FKBP9: variants seen among roughly 807,000 people sequenced by gnomAD.
FKBP9 encodes the protein peptidyl-prolyl cis-trans isomerase FKBP9.
A neutral mutation model predicts 55.6 loss-of-function variants in FKBP9; 27 were observed. That is an observed-to-expected ratio of 0.49 (90% CI 0.36 to 0.67). The LOEUF (loss-of-function observed/expected upper bound fraction) is 0.67, where lower values mean the gene tolerates loss of function less well. FKBP9 is among the 30% of genes least tolerant of loss of function. The probability of loss-of-function intolerance (pLI) is 0.00; values close to 1 mark genes in which losing one functional copy is unlikely to be tolerated. For missense variants in FKBP9, 539 were observed against 742.8 expected (o/e 0.73, Z 3.19); for synonymous variants, 267 against 296.5 (o/e 0.90, Z 1.02).
rs763878973 is a variant in FKBP9, at chr7:32,988,659, A to G, written c.1039+7A>G. The G allele has an allele frequency of 6.2e-6, 10 of 1,613,604 alleles. No homozygotes were observed. In the South Asian group the frequency reaches 6.6e-5, roughly 11 times the overall value. On this transcript the variant is annotated splice_region_variant and intron_variant, in intron 6 of 9. Transcript: ENST00000242209. ...TATGGAGAGGAAGGAAGAGGTGAGC[A>G]TCAGCATCACCTGCCTTCCTCACTA...
chr7:32,993,650 C>A (rs1259609036), intron 6 of FKBP9, among the ~76,000 whole-genome samples: 1 of 152,104 alleles, frequency 6.6e-6, no homozygotes, highest in African/African-American at 2.4e-5. Flanking sequence ...CATGGTGAAA[C>A]CCTGTCTCTA....
At chr7:32,980,796 A>C (rs1489231030) in intron 5 of FKBP9, among the ~76,000 whole-genome samples, 1 of 151,670 alleles carries the variant, frequency 6.6e-6, no homozygotes, top group Non-Finnish European at 1.5e-5. Flanking sequence ...GTGCAGCTGC[A>C]TGATCGTGGC....
intron 5 of FKBP9, among the ~76,000 whole-genome samples, chr7:32,982,643 A>G (rs2127983816): frequency 6.6e-6 from 1 of 152,268 alleles, no homozygotes; most frequent in South Asian, 2.1e-4. Context: ...GTTACATTCC[A>G]GTGTGGTTCT....
intron 6 of FKBP9, among the ~76,000 whole-genome samples, chr7:32,994,109 T>C (rs1340569808): frequency 6.6e-6 from 1 of 152,244 alleles, no homozygotes; most frequent in Admixed American, 6.5e-5. Flanking sequence ...AAAATAATCA[T>C]GTTAAAGTTT....
At chr7:32,992,522 G>A (rs576866429) in intron 6 of FKBP9, among the ~76,000 whole-genome samples, 3 of 152,240 alleles carry the variant, frequency 2.0e-5, no homozygotes, top group Non-Finnish European at 4.4e-5. Context: ...TTGGTTAAGG[G>A]TTTATACAGA....
intron 7 of FKBP9, chr7:32,998,528 G>A (rs1194421773): frequency 2.0e-5 from 3 of 152,180 alleles, no homozygotes; most frequent in African/African-American, 7.2e-5. Context: ...TGTACTCTGA[G>A]AGCCTCTGTA....
At chr7:32,976,634 C>T in intron 4 of FKBP9, 135 bp downstream of exon 4, 1 of 1,238,050 alleles carries the variant, frequency 8.1e-7, no homozygotes, top group African/African-American at 1.5e-5. Flanking sequence ...TAACCACTAG[C>T]TACATGTGGC....
At chr7:32,981,551 T>C (rs558134380) in intron 5 of FKBP9, among the ~76,000 whole-genome samples, 195 of 152,184 alleles carry the variant, frequency 1.3e-3, no homozygotes, top group African/African-American at 4.5e-3. Context: ...TCCCTGTCTC[T>C]GAGGTGATAG....
At chr7:32,959,187 C>T (rs1783967733) in intron 1 of FKBP9, among the ~76,000 whole-genome samples, 1 of 152,042 alleles carries the variant, frequency 6.6e-6, no homozygotes, top group African/African-American at 2.4e-5. Flanking sequence ...GGGCGGATCA[C>T]GAGGTCAGGA....
intron 5 of FKBP9, among the ~76,000 whole-genome samples, chr7:32,988,066 G>T (rs1784610303): frequency 6.6e-6 from 1 of 152,070 alleles, no homozygotes; most frequent in Admixed American, 6.5e-5. Context: ...TGTAGTCTCA[G>T]CTACTTGGGA....
intron 7 of FKBP9, among the ~76,000 whole-genome samples, chr7:32,997,029 C>G (rs1051310332): frequency 2.0e-5 from 3 of 151,740 alleles, no homozygotes; most frequent in Non-Finnish European, 4.4e-5. Context: ...CTCCTGACCT[C>G]ATGATCCACC....
At chr7:32,976,862 G>A (rs1232890048) in intron 4 of FKBP9, among the ~76,000 whole-genome samples, 3 of 152,126 alleles carry the variant, frequency 2.0e-5, no homozygotes, top group Non-Finnish European at 4.4e-5. Flanking sequence ...TATAGTCATT[G>A]GCATTCATAA....
chr7:33,001,821 T>C (rs1370504539), intron 8 of FKBP9: 1 of 152,180 alleles, frequency 6.6e-6, no homozygotes, highest in African/African-American at 2.4e-5. Flanking sequence ...AGTTTTACCA[T>C]TGTATTGTAG....
intron 1 of FKBP9, among the ~76,000 whole-genome samples, chr7:32,963,973 A>C (rs1784081833): frequency 6.6e-6 from 1 of 152,230 alleles, no homozygotes; most frequent in Admixed American, 6.5e-5. Context: ...TCCACAGGGA[A>C]GAGCCAGTAG....
chr7:32,961,820 C>T (rs1784030895), intron 1 of FKBP9, among the ~76,000 whole-genome samples: 2 of 151,636 alleles, frequency 1.3e-5, no homozygotes, highest in Admixed American at 6.6e-5. Flanking sequence ...TTATGAGAAT[C>T]TAATGCGTGA....
rs539080647 is a variant in FKBP9 at position 32,973,337 on chromosome 7, G to A, written c.222-1280G>A. On this transcript the variant is annotated intron_variant, in intron 1 of 9. Transcript: ENST00000242209. ...TGTTGCCTATCAGCCTTTAAAACAC[G>A]TATATTAGTGATCCTAAGACTACAT... Among the ~76,000 whole-genome samples, 368 of 152,102 alleles carry A rather than the reference G, an allele frequency of 2.4e-3. 2 individuals are homozygous for A. The highest frequency in any genetic ancestry group is 8.6e-3 in the African/African-American group (357 of 41,492).
intron 1 of FKBP9, among the ~76,000 whole-genome samples, chr7:32,965,828 T>TATGTGTACAC (rs1554284329): frequency 1.7e-3 from 61 of 35,062 alleles, no homozygotes; most frequent in African/African-American, 5.5e-3. Flanking sequence ...TATATATATA[T>TATGTGTACAC]ATATATATAT....
rs2392187 is a variant in FKBP9, at chr7:33,000,889, G to C, written c.1372+629G>C. Among the ~76,000 whole-genome samples the C allele has an allele frequency of 2.0e-5, 3 of 152,070 alleles. No individual in the cohort carries two copies. The South Asian group carries it at 6.2e-4, about 32-fold the overall frequency. ...TTGAACTCCTGGGCTCAAGCAATCT[G>C]CCCACCTCAGTCTCCCGAGTAGCTG... On this transcript the variant is annotated intron_variant, in intron 8 of 9. Transcript: ENST00000242209.
chr7:32,975,082 C>A, intron 2 of FKBP9, 100 bp from the exon 3 acceptor site: 1 of 922,986 alleles, frequency 1.1e-6, no homozygotes, highest in Non-Finnish European at 1.7e-6. Context: ...ACTGCTTGAA[C>A]CCTTTTGGCC....
Sources: gnomAD v4.1 joint callset for allele counts (sites outside exome capture counted in the v4.1 genomes callset) on GRCh38, gnomAD v4.1.1 for gene constraint, MANE v1.5 for transcripts, NCBI Gene and HGNC (gene_info 2026-07-23, HGNC 2026-07-21) for gene names.